The following HYDIN variants were observed in gnomAD, a reference collection of about 807,000 sequenced individuals.
HYDIN encodes the protein axonemal central pair apparatus protein HYDIN.
Under a neutral mutation model 403.9 loss-of-function variants are expected in HYDIN, and 132 were observed. The observed-to-expected ratio is 0.33, with a 90% CI of 0.28 to 0.38. HYDIN has a LOEUF of 0.38. HYDIN is among the 10% of genes least tolerant of loss of function. The pLI is 1.00. For synonymous variants in HYDIN, 1,202 were observed against 1,891.7 expected (o/e 0.64, Z 9.46); for missense variants, 2,827 against 5,009.5 (o/e 0.56, Z 13.15).
At chr16:70,979,562 T>G (rs1414438941) in intron 29 of HYDIN, among the ~76,000 whole-genome samples, 2 of 152,154 alleles carry the variant, frequency 1.3e-5, no homozygotes, top group East Asian at 1.9e-4. Context: ...GGTGGAGAGA[T>G]TCCCACCCGA....
At chr16:70,898,555 C>T (rs2076273377) in intron 53 of HYDIN, among the ~76,000 whole-genome samples, 1 of 150,720 alleles carries the variant, frequency 6.6e-6, no homozygotes, top group East Asian at 2.0e-4. Flanking sequence ...ACTGAGTGGC[C>T]CCAAAAGGTA....
chr16:70,927,641 C>T (rs2077194256), intron 45 of HYDIN, among the ~76,000 whole-genome samples: 1 of 152,276 alleles, frequency 6.6e-6, no homozygotes, highest in Non-Finnish European at 1.5e-5. Flanking sequence ...CTGTTTTCTT[C>T]CACCTCCAGC....
chr16:71,146,502 A>AG (rs933261744), intron 7 of HYDIN, among the ~76,000 whole-genome samples: 1 of 104,370 alleles, frequency 9.6e-6, no homozygotes, highest in African/African-American at 4.4e-5. Context: ...ATTTTACCAT[A>AG]ATGGGAACAA....
At chr16:70,839,495 T>C (rs1390127593) in intron 76 of HYDIN, among the ~76,000 whole-genome samples, 1 of 143,566 alleles carries the variant, frequency 7.0e-6, no homozygotes, top group East Asian at 2.1e-4. Flanking sequence ...GCCACCATAT[T>C]GGACAATGCA....
At chr16:70,982,005 G>A (rs528050923) in intron 28 of HYDIN, among the ~76,000 whole-genome samples, 3 of 151,506 alleles carry the variant, frequency 2.0e-5, no homozygotes, top group African/African-American at 4.8e-5. Flanking sequence ...GTGGGCACCT[G>A]TAGTCCCAGC....
At chr16:70,829,540 T>G (rs1277356001) in intron 81 of HYDIN, 78 bp downstream of exon 81, 3 of 1,032,784 alleles carry the variant, frequency 2.9e-6, no homozygotes, top group Non-Finnish European at 1.5e-6. Flanking sequence ...AGCCCCAAAG[T>G]GTCTTTTAAC....
At chr16:71,145,234 A>G (rs1159697819) in intron 7 of HYDIN, among the ~76,000 whole-genome samples, 1 of 151,768 alleles carries the variant, frequency 6.6e-6, no homozygotes, top group African/African-American at 2.4e-5. Flanking sequence ...GGAGGTAGAA[A>G]CCAACTTTTC....
chr16:70,934,087 A>G (rs141060109), intron 45 of HYDIN, among the ~76,000 whole-genome samples: 2 of 152,274 alleles, frequency 1.3e-5, no homozygotes, highest in Non-Finnish European at 2.9e-5. Context: ...CAAGGAGGGT[A>G]CGATCCACAG....
chr16:70,891,458 C>T (rs1348836700), intron 57 of HYDIN, among the ~76,000 whole-genome samples, 188 bp downstream of exon 57: 2 of 152,364 alleles, frequency 1.3e-5, no homozygotes, highest in Non-Finnish European at 1.5e-5. Flanking sequence ...CAAAGCGCTG[C>T]GATTACAGGT....
intron 18 of HYDIN, among the ~76,000 whole-genome samples, chr16:71,052,382 C>G (rs556747966): frequency 6.6e-6 from 1 of 151,516 alleles, no homozygotes; most frequent in African/African-American, 2.4e-5. Context: ...AATATCAATG[C>G]ATGAAAAAAG....
At chr16:71,039,771 C>T (rs1367495345) in intron 18 of HYDIN, among the ~76,000 whole-genome samples, 2 of 152,200 alleles carry the variant, frequency 1.3e-5, no homozygotes, top group South Asian at 2.1e-4. Context: ...ATTTACCATC[C>T]TTAAATTTGT....
intron 1 of HYDIN, among the ~76,000 whole-genome samples, chr16:71,221,356 G>A (rs2089191311): frequency 6.6e-6 from 1 of 152,038 alleles, no homozygotes; most frequent in Non-Finnish European, 1.5e-5. Flanking sequence ...AAGCCTCAAA[G>A]TATGATTTTT....
chr16:71,139,308 C>G (rs2085074934), intron 7 of HYDIN, among the ~76,000 whole-genome samples: 1 of 151,914 alleles, frequency 6.6e-6, no homozygotes, highest in South Asian at 2.1e-4. Context: ...TCCAAAGTTT[C>G]AAAATTTTCA....
At chr16:71,135,977 C>T (rs7186697) in intron 8 of HYDIN, among the ~76,000 whole-genome samples, 2 of 151,862 alleles carry the variant, frequency 1.3e-5, no homozygotes, top group South Asian at 2.1e-4. Flanking sequence ...TTATCACATA[C>T]GAACTTGGTT....
rs536026110 is a variant in HYDIN at position 71,054,342 on chromosome 16, G to C, written c.2529+6162C>G. Among the ~76,000 whole-genome samples, 85 of 126,612 alleles carry C rather than the reference G, an allele frequency of 6.7e-4. No homozygotes were observed. In the East Asian group the frequency reaches 0.017, roughly 26 times the overall value. The allele number at this position is 126,612 out of a possible 152,430, so 83.1% of individuals were successfully genotyped here. On this transcript the variant is annotated intron_variant, in intron 18 of 85. Transcript: ENST00000393567. Reference sequence around the variant, plus strand: ...CACAGATGTAACAATTTAGAGGGCAGAGCTAATCTACTCATTGAAGCCTGA... The same window carrying C: ...CACAGATGTAACAATTTAGAGGGCACAGCTAATCTACTCATTGAAGCCTGA...
intron 85 of HYDIN, among the ~76,000 whole-genome samples, chr16:70,808,818 G>T: frequency 6.6e-6 from 1 of 152,154 alleles, no homozygotes; most frequent in Non-Finnish European, 1.5e-5. Context: ...TTTGTTCCAT[G>T]GAATATTAGT....
chr16:70,980,436 G>A (rs2079012616), intron 29 of HYDIN, among the ~76,000 whole-genome samples: 1 of 151,328 alleles, frequency 6.6e-6, no homozygotes, highest in Non-Finnish European at 1.5e-5. Flanking sequence ...GAGCCTAAGA[G>A]TTAAGATTAC....
intron 1 of HYDIN, among the ~76,000 whole-genome samples, chr16:71,191,441 T>A (rs1467995890): frequency 6.6e-6 from 1 of 152,150 alleles, no homozygotes; most frequent in Non-Finnish European, 1.5e-5. Context: ...CAAACCTGTG[T>A]ATCCTGGACA....
intron 1 of HYDIN, among the ~76,000 whole-genome samples, chr16:71,227,930 C>T (rs950112259): frequency 1.3e-5 from 2 of 152,112 alleles, no homozygotes; most frequent in African/African-American, 2.4e-5. Context: ...GCTACAGTAA[C>T]CAAAACAGCA....
Sources: gnomAD v4.1 joint callset for allele counts (sites outside exome capture counted in the v4.1 genomes callset) on GRCh38, gnomAD v4.1.1 for gene constraint, MANE v1.5 for transcripts, NCBI Gene and HGNC (gene_info 2026-07-23, HGNC 2026-07-21) for gene names.